Variants in SLC36A1 observed in about 807,000 individuals in gnomAD.
The protein encoded by SLC36A1 is proton-coupled amino acid transporter 1.
A neutral mutation model predicts 47.5 loss-of-function variants in SLC36A1; 30 were observed. That is an observed-to-expected ratio of 0.63 (90% CI 0.47 to 0.86). The LOEUF (loss-of-function observed/expected upper bound fraction) is 0.86. Ranked by LOEUF, SLC36A1 falls within the 40% of genes least tolerant of loss-of-function variation. The pLI is 0.00. For synonymous variants in SLC36A1, 255 were observed against 249.7 expected (o/e 1.02, Z -0.20); for missense variants, 517 against 606.0 (o/e 0.85, Z 1.54).
At chr5:151,512,394 C>A in the SLC36A1 span, 2 of 1,614,238 alleles carry the variant, frequency 1.2e-6, no homozygotes, top group East Asian at 2.2e-5. The surrounding 1 kb of genome is among the most constrained non-coding windows in gnomAD (Gnocchi z 4.1). Flanking sequence ...GGCCGCCCAG[C>A]AAGAGGTGCC....
chr5:151,542,330 C>A, the SLC36A1 span: 1 of 1,612,770 alleles, frequency 6.2e-7, no homozygotes, highest in South Asian at 1.1e-5. Flanking sequence ...GAAATGTCAG[C>A]ATCCAGGGTC....
At chr5:151,461,216 C>G (rs189025094) in intron 2 of SLC36A1, among the ~76,000 whole-genome samples, 350 of 150,654 alleles carry the variant, frequency 2.3e-3, no homozygotes, top group African/African-American at 7.8e-3. Context: ...TCTTAAACAC[C>G]TGGGCTCAAG....
At chr5:151,471,533 C>T (rs1757309834) in intron 7 of SLC36A1, among the ~76,000 whole-genome samples, 2 of 152,116 alleles carry the variant, frequency 1.3e-5, no homozygotes, top group African/African-American at 4.8e-5. Flanking sequence ...CACCTGTTTC[C>T]AATAACTTAG....
At chr5:151,444,083 T>C (rs1476823161), upstream of SLC36A1, among the ~76,000 whole-genome samples, 1 of 152,248 alleles carries the variant, frequency 6.6e-6, no homozygotes, top group African/African-American at 2.4e-5. Context: ...TGTAATATAA[T>C]TTTGAATCGG....
At chr5:151,433,260 ATATATATTTTTTTTTTTTTTTTTTTT>A (rs1759544503), upstream of SLC36A1, among the ~76,000 whole-genome samples, 1 of 13,352 alleles carries the variant, frequency 7.5e-5, no homozygotes, top group African/African-American at 2.9e-4. Context: ...ATATATATAT[ATATATATTTTTTTTTTTTTTTTTTTT>A]TTTTTTTTTT....
the SLC36A1 span, among the ~76,000 whole-genome samples, chr5:151,375,998 C>T: frequency 2.6e-5 from 4 of 152,076 alleles, no homozygotes; most frequent in South Asian, 8.3e-4. Context: ...TTTTTCTTGC[C>T]TGATTGCTCT....
At position 151,479,487 on chromosome 5, in the gene SLC36A1, CAT is replaced by C. The variant is rs1758528055; in HGVS notation, c.1158_1159del (p.Cys387HisfsTer49). ...GTGCGCACAGTGCTGGTCTGCCTGA[CAT>C]GTGAGTAGAAGATGATAATTGCCTT... On this transcript the variant is annotated frameshift_variant and splice_region_variant, in exon 10 of 11. Transcript: ENST00000243389. LOFTEE classifies it high-confidence loss of function. 13 of 1,612,402 alleles carry C rather than the reference CAT, an allele frequency of 8.1e-6. No individual in the cohort carries two copies. Among genetic ancestry groups the C allele is most frequent in the African/African-American group, 1.3e-5 (1 of 74,898 alleles).
At chr5:151,505,555 GA>G in the SLC36A1 span, 1 of 1,613,974 alleles carries the variant, frequency 6.2e-7, no homozygotes, top group Non-Finnish European at 8.5e-7. Flanking sequence ...CTTGCTCTGG[GA>G]ATGGGAAGCT....
the SLC36A1 span, chr5:151,527,949 G>T: frequency 1.3e-6 from 2 of 1,599,406 alleles, no homozygotes; most frequent in South Asian, 2.2e-5. Context: ...GTGGGACTGT[G>T]TCTCTGCTCT....
the SLC36A1 span, chr5:151,554,334 C>A: frequency 6.3e-7 from 1 of 1,591,424 alleles, no homozygotes; most frequent in Non-Finnish European, 8.6e-7. Flanking sequence ...GCCACTCCTC[C>A]CTCCGTGGCT....
At chr5:151,407,975 G>A in the SLC36A1 span, among the ~76,000 whole-genome samples, 101 of 152,204 alleles carry the variant, frequency 6.6e-4, no homozygotes, top group Non-Finnish European at 1.3e-3. Flanking sequence ...GCCAGGCACT[G>A]TGCTAGTGCT....
chr5:151,501,976 G>A, the SLC36A1 span, among the ~76,000 whole-genome samples: 24,871 of 147,734 alleles, frequency 0.17, 5,988 homozygotes, highest in African/African-American at 0.46. Flanking sequence ...AAAACACCGA[G>A]GGCATTCTGT....
At chr5:151,404,619 C>T in the SLC36A1 span, among the ~76,000 whole-genome samples, 1 of 152,116 alleles carries the variant, frequency 6.6e-6, no homozygotes, top group African/African-American at 2.4e-5. Context: ...TAACAAATTC[C>T]CTTAGTGCTT....
Position 151,487,846 on chromosome 5 carries a change from T to C in SLC36A1, c.1160-137T>C. The C allele has an allele frequency of 3.8e-6, 4 of 1,046,488 alleles. No individual in the cohort carries two copies. In the South Asian group the frequency reaches 5.0e-5, roughly 13 times the overall value. The allele number at this position is 1,046,488 out of a possible 1,614,324, so 64.8% of individuals were successfully genotyped here. A position where few individuals can be genotyped will look rare whatever the true frequency, so the allele number is the denominator to read the frequency against. ...TTCTGGGCATCTATTTCACAGAGAT[T>C]GAACTGGACAATGTCTAAGTTTTCT... On this transcript the variant is annotated intron_variant, in intron 10 of 10. Transcript: ENST00000243389.
At chr5:151,421,955 G>A in the SLC36A1 span, among the ~76,000 whole-genome samples, 1 of 152,208 alleles carries the variant, frequency 6.6e-6, no homozygotes, top group South Asian at 2.1e-4. Context: ...GTGGAAAAAA[G>A]GACACCACTT....
the SLC36A1 span, among the ~76,000 whole-genome samples, chr5:151,407,131 A>AC: frequency 6.6e-6 from 1 of 151,880 alleles, no homozygotes. Context: ...TACAGGTAGT[A>AC]TGGCCCCAAA....
At chr5:151,392,465 G>T in the SLC36A1 span, among the ~76,000 whole-genome samples, 4 of 151,978 alleles carry the variant, frequency 2.6e-5, no homozygotes, top group Non-Finnish European at 4.4e-5. Flanking sequence ...GTTTGCTCTT[G>T]CTTCTCTAGT....
the SLC36A1 span, among the ~76,000 whole-genome samples, chr5:151,351,464 T>C: frequency 6.6e-6 from 1 of 151,874 alleles, no homozygotes; most frequent in Non-Finnish European, 1.5e-5. Flanking sequence ...CTCTGACACA[T>C]TTTTAGGTTT....
chr5:151,426,374 G>T, the SLC36A1 span, among the ~76,000 whole-genome samples: 2 of 151,954 alleles, frequency 1.3e-5, no homozygotes, highest in Admixed American at 1.3e-4. Flanking sequence ...GGATGTAGCA[G>T]GACTATAGGA....
Sources: gnomAD v4.1 joint callset for allele counts (sites outside exome capture counted in the v4.1 genomes callset) on GRCh38, gnomAD v4.1.1 for gene constraint, Gnocchi (gnomAD v3.1) non-coding constraint, MANE v1.5 for transcripts, NCBI Gene and HGNC (gene_info 2026-07-23, HGNC 2026-07-21) for gene names.